TBC1D10A: variants seen among roughly 807,000 people sequenced by gnomAD.
TBC1D10A encodes EBP50-PDX interactor of 64 kDa.
TBC1D10A carries 24 observed loss-of-function variants against 52.9 expected under a neutral mutation model. The observed-to-expected ratio is 0.45, with a 90% CI of 0.33 to 0.64. TBC1D10A has a LOEUF of 0.64. TBC1D10A is among the 30% of genes least tolerant of loss of function. The pLI is 0.02. For missense variants in TBC1D10A, 602 were observed against 687.9 expected (o/e 0.88, Z 1.40); for synonymous variants, 278 against 282.9 (o/e 0.98, Z 0.17).
chr22:30,305,825 T>TG (rs1930299758), intron 1 of TBC1D10A, among the ~76,000 whole-genome samples: 1 of 152,146 alleles, frequency 6.6e-6, no homozygotes, highest in Non-Finnish European at 1.5e-5. Context: ...GAGAGTAGCC[T>TG]TGGAACTGAA....
At chr22:30,310,014 C>G (rs546891400) in intron 1 of TBC1D10A, among the ~76,000 whole-genome samples, 1 of 152,350 alleles carries the variant, frequency 6.6e-6, no homozygotes, top group Admixed American at 6.5e-5. Context: ...GAGAAATACA[C>G]CCTAAGCAGA....
chr22:30,295,987 G>C, intron 3 of TBC1D10A, 144 bp from the exon 4 acceptor site: 1 of 696,460 alleles, frequency 1.4e-6, no homozygotes. Context: ...GCCTTCCCAA[G>C]GACAGGAAGA....
intron 1 of TBC1D10A, among the ~76,000 whole-genome samples, chr22:30,305,226 A>C (rs1930287531): frequency 6.6e-6 from 1 of 152,158 alleles, no homozygotes; most frequent in African/African-American, 2.4e-5. Flanking sequence ...CACTTCTTCT[A>C]TCTGTAGATC....
rs6147586 is a variant in TBC1D10A, at chr22:30,313,341, ATGTGTGTGTGTGTGTGTGTGTG to A, written c.210-8733_210-8712del. Among the ~76,000 whole-genome samples the A allele has an allele frequency of 1.3e-3, 178 of 138,110 alleles. 3 individuals carry two copies. The South Asian group carries it at 0.021, about 16-fold the overall frequency. 90.6% of individuals were successfully genotyped at this position (138,110 alleles called of 152,430 possible). ...CTGATACCTAGCTGGTGCTCAATAA[ATGTGTGTGTGTGTGTGTGTGTG>A]TGTGTGTGTGTGTGTGTGTGTGTTG... is the stretch of plus-strand genomic sequence containing the variant. On this transcript the variant is annotated intron_variant, in intron 1 of 8. Transcript: ENST00000215790.
chr22:30,305,384 A>G (rs780632412), intron 1 of TBC1D10A, among the ~76,000 whole-genome samples: 4 of 152,212 alleles, frequency 2.6e-5, no homozygotes, highest in Non-Finnish European at 5.9e-5. Context: ...TGGGGAAAAC[A>G]CCTCAGCACC....
intron 1 of TBC1D10A, among the ~76,000 whole-genome samples, chr22:30,317,264 C>T (rs767597589): frequency 2.8e-4 from 42 of 152,000 alleles, no homozygotes; most frequent in Admixed American, 2.0e-3. Context: ...AAAAATTAGC[C>T]GGGCATGGTG....
intron 8 of TBC1D10A, 147 bp downstream of exon 8, chr22:30,293,504 T>G: frequency 1.7e-6 from 2 of 1,191,990 alleles, no homozygotes; most frequent in Non-Finnish European, 2.4e-6. Flanking sequence ...GACAGAAGGA[T>G]GAGGTCCACC....
chr22:30,303,808 A>AAC (rs368263814), intron 2 of TBC1D10A, among the ~76,000 whole-genome samples: 20 of 152,268 alleles, frequency 1.3e-4, no homozygotes, highest in African/African-American at 3.9e-4. Context: ...CAAGGATATC[A>AAC]ACACACACAC....
At chr22:30,318,747 C>A (rs989375105) in intron 1 of TBC1D10A, 18 of 469,854 alleles carry the variant, frequency 3.8e-5, no homozygotes, top group Non-Finnish European at 3.1e-5. Flanking sequence ...TCTTCCAGGT[C>A]TCACCACAGC....
In TBC1D10A at chr22:30,314,466, T is replaced by C. The variant is rs560436561; in HGVS notation, c.210-9836A>G. The stretch of plus-strand genomic sequence containing the variant: ...TGAAATGGCATTACTGTGACTATCC[T>C]GGGAGGATGGAGGGGGTCACTCAGA... On this transcript the variant is annotated intron_variant, in intron 1 of 8. Coordinates refer to ENST00000215790, the MANE Select transcript of TBC1D10A (RefSeq NM_031937.3). 5.9e-5 allele frequency among the ~76,000 whole-genome samples: 9 copies of C among 152,214 alleles called. 1 individual carries two copies. The highest frequency in any genetic ancestry group is 2.0e-4 in the Admixed American group (3 of 15,290).
At chr22:30,316,603 C>T (rs977448844) in intron 1 of TBC1D10A, among the ~76,000 whole-genome samples, 1 of 152,026 alleles carries the variant, frequency 6.6e-6, no homozygotes, top group African/African-American at 2.4e-5. Flanking sequence ...CAGGTGCGCA[C>T]CACTATGCCC....
At chr22:30,325,300 C>A (rs1930743522) in intron 1 of TBC1D10A, among the ~76,000 whole-genome samples, 1 of 152,190 alleles carries the variant, frequency 6.6e-6, no homozygotes, top group South Asian at 2.1e-4. Context: ...AAGAAGGAGG[C>A]CTGGTGAATA....
chr22:30,309,125 ACTGCCCCAGTGAGTGGC>A (rs1315673965), intron 1 of TBC1D10A, among the ~76,000 whole-genome samples: 2 of 152,118 alleles, frequency 1.3e-5, no homozygotes, highest in African/African-American at 4.8e-5. Context: ...CAGTGTTGTG[ACTGCCCCAGTGAGTGGC>A]CTGCCCGTAC....
At chr22:30,309,080 G>T (rs554729182) in intron 1 of TBC1D10A, among the ~76,000 whole-genome samples, 1 of 152,088 alleles carries the variant, frequency 6.6e-6, no homozygotes, top group Non-Finnish European at 1.5e-5. Context: ...CATCTCTGGC[G>T]CCCAAGCCAC....
chr22:30,292,698 G>A lies in TBC1D10A; in HGVS notation c.1204C>T (p.Pro402Ser), dbSNP rs1929975224. ...ATGGATGGTGAAGGTTGTAGGGCAG[G>A]CCGGGGACCAGGTTCTGCATCCAAG... is the stretch of plus-strand genomic sequence containing the variant. ...AILDAEPGPR[P>S]ALQPSPSIRL... Residue 402 changes from proline to serine, a missense_variant, in exon 9 of 9, where the codon CCT becomes TCT. By Grantham distance (74) the Pro-to-Ser change is moderately conservative (BLOSUM62 -1). Coordinates refer to ENST00000215790, the MANE Select transcript of TBC1D10A (RefSeq NM_031937.3). 1 of 1,608,264 alleles carries A rather than the reference G, an allele frequency of 6.2e-7. No individual in the cohort carries two copies. The highest frequency in any genetic ancestry group is 8.5e-7 in the Non-Finnish European group (1 of 1,176,906).
At chr22:30,323,435 G>C (rs1463686497) in intron 1 of TBC1D10A, among the ~76,000 whole-genome samples, 4 of 152,228 alleles carry the variant, frequency 2.6e-5, no homozygotes, top group African/African-American at 9.6e-5. Context: ...AGAGCAGGCA[G>C]GTGACTGCTA....
chr22:30,324,923 G>A (rs1930735011), intron 1 of TBC1D10A, among the ~76,000 whole-genome samples: 1 of 152,172 alleles, frequency 6.6e-6, no homozygotes, highest in South Asian at 2.1e-4. Flanking sequence ...TGCCTGATAA[G>A]CATGTAGTAG....
At chr22:30,305,193 C>T (rs1325552270) in intron 1 of TBC1D10A, among the ~76,000 whole-genome samples, 1 of 152,236 alleles carries the variant, frequency 6.6e-6, no homozygotes, top group African/African-American at 2.4e-5. Context: ...ATCCTACACA[C>T]ACTTCAAAGC....
intron 1 of TBC1D10A, among the ~76,000 whole-genome samples, chr22:30,316,212 A>G (rs924517398): frequency 1.3e-5 from 2 of 152,206 alleles, no homozygotes; most frequent in Admixed American, 1.3e-4. Flanking sequence ...CCAGCCTGGT[A>G]TGGTAGTTCA....
Sources: allele counts gnomAD v4.1 joint callset (sites outside exome capture counted in the v4.1 genomes callset), GRCh38; gene constraint gnomAD v4.1.1; transcripts MANE v1.5; gene names NCBI Gene and HGNC (gene_info 2026-07-23, HGNC 2026-07-21).